OBP2B: variants seen among roughly 807,000 people sequenced by gnomAD.
OBP2B encodes odorant binding protein 2B.
A neutral mutation model predicts 21.7 loss-of-function variants in OBP2B; 10 were observed. The ratio of observed to expected loss-of-function variants is 0.46; its 90% confidence interval spans 0.28 to 0.78. OBP2B has a LOEUF of 0.78. Ranked by LOEUF, OBP2B falls within the 30% of genes least tolerant of loss-of-function variation. OBP2B has a pLI of 0.11. For synonymous variants in OBP2B, 73 were observed against 91.5 expected (o/e 0.80, Z 1.16); for missense variants, 153 against 217.7 (o/e 0.70, Z 1.87).
In OBP2B at chr9:133,205,762, G is replaced by T. The variant is rs1833683598; in HGVS notation, c.*1+155C>A. The T allele has an allele frequency of 2.8e-6, 3 of 1,081,640 alleles. No individual in the cohort carries two copies. The African/African-American group carries it at 4.6e-5, about 17-fold the overall frequency. The allele number at this position is 1,081,640 out of a possible 1,614,324, so 67.0% of individuals were successfully genotyped here. A position where few individuals can be genotyped will look rare whatever the true frequency, so the allele number is the denominator to read the frequency against. The stretch of plus-strand genomic sequence containing the variant: ...GGACTTCCCGAATGTCCCAGGAACT[G>T]TGGGTGGGCAGACTCTGAGGTGCCA... On this transcript the variant is annotated intron_variant, in intron 6 of 6. Transcript: ENST00000372034.
chr9:133,211,653 C>T (rs1201624684), upstream of OBP2B, among the ~76,000 whole-genome samples: 1 of 152,210 alleles, frequency 6.6e-6, no homozygotes, highest in Non-Finnish European at 1.5e-5. Context: ...CCCTATTTCT[C>T]AGATGGTCCT....
At chr9:133,219,534 T>C in the OBP2B span, among the ~76,000 whole-genome samples, 2 of 152,142 alleles carry the variant, frequency 1.3e-5, no homozygotes, top group African/African-American at 4.8e-5. Context: ...CATTAGTCAT[T>C]AGGGAAATGC....
the OBP2B span, among the ~76,000 whole-genome samples, chr9:133,222,685 C>T: frequency 5.9e-5 from 9 of 152,150 alleles, no homozygotes; most frequent in Non-Finnish European, 8.8e-5. Context: ...AAGCCGAGAT[C>T]GTGCCACTGC....
At chr9:133,218,508 C>T in the OBP2B span, among the ~76,000 whole-genome samples, 3 of 152,160 alleles carry the variant, frequency 2.0e-5, no homozygotes, top group Non-Finnish European at 4.4e-5. Context: ...GCGGCAATAA[C>T]CCAGGATGGT....
At chr9:133,207,380 C>T (rs375679280) in intron 3 of OBP2B, 44 bp from the exon 4 acceptor site, 508 of 1,296,930 alleles carry the variant, frequency 3.9e-4, no homozygotes, top group Admixed American at 4.9e-4. Context: ...AGAGAACACT[C>T]GGGGCCACAT....
intron 4 of OBP2B, 111 bp from the exon 5 acceptor site, chr9:133,206,527 C>T (rs1833719989): frequency 7.1e-7 from 1 of 1,414,674 alleles, no homozygotes; most frequent in East Asian, 2.4e-5. Flanking sequence ...GGGGGAGAGG[C>T]CTGAGAGTGG....
At chr9:133,209,811 T>C (rs1274287975), upstream of OBP2B, among the ~76,000 whole-genome samples, 2 of 152,122 alleles carry the variant, frequency 1.3e-5, no homozygotes, top group African/African-American at 4.8e-5. The surrounding 1 kb of genome is among the most constrained non-coding windows in gnomAD (Gnocchi z 6.0). Flanking sequence ...GAGGGCACTA[T>C]TGTGTGGCTC....
intron 4 of OBP2B, 61 bp downstream of exon 4, chr9:133,207,165 C>T: frequency 8.5e-7 from 1 of 1,172,234 alleles, no homozygotes. Flanking sequence ...GTGCTGGTTC[C>T]ACCGGCTTCC....
At chr9:133,206,225 G>T in intron 5 of OBP2B, 90 bp downstream of exon 5, 1 of 1,385,938 alleles carries the variant, frequency 7.2e-7, no homozygotes, top group Admixed American at 1.7e-5. Flanking sequence ...GAATGCGGGG[G>T]ACATGGGAGG....
At chr9:133,209,775 T>C (rs1322288249), upstream of OBP2B, among the ~76,000 whole-genome samples, 1 of 152,124 alleles carries the variant, frequency 6.6e-6, no homozygotes, top group Non-Finnish European at 1.5e-5. This position sits in a 1 kb window ranked among gnomAD's most constrained non-coding sequence, Gnocchi z 6.0. Context: ...ACCTGGACCC[T>C]GCACTCGAGC....
rs781848663 is a variant in OBP2B at position 133,206,344 on chromosome 9, T to C, written c.461A>G (p.Glu154Gly). 1.2e-6 allele frequency: 2 copies of C among 1,614,062 alleles called. No homozygotes were observed. Among genetic ancestry groups the C allele is most frequent in the Non-Finnish European group, 1.7e-6 (2 of 1,179,980 alleles). Reference protein sequence around the residue: ...KKLVQRKGLSEEDIFTPLQTG... With the variant: ...KKLVQRKGLSGEDIFTPLQTG... ...CTGCAGGGGCGTGAAAATGTCCTCC[T>C]CCGAGAGTCCCTTGCGCTGCACCAA... The change falls in exon 5 of 7, where the codon GAG (glutamate) becomes GGG (glycine). Residue 154 changes from glutamate to glycine, a missense_variant. Coordinates refer to ENST00000372034, the MANE Select transcript of OBP2B (RefSeq NM_014581.4).
the OBP2B span, among the ~76,000 whole-genome samples, chr9:133,215,796 A>G: frequency 6.6e-6 from 1 of 152,206 alleles, no homozygotes; most frequent in Non-Finnish European, 1.5e-5. Context: ...TACCCAGTTA[A>G]GTTTTTACAA....
the OBP2B span, among the ~76,000 whole-genome samples, chr9:133,221,756 G>T: frequency 6.6e-6 from 1 of 152,208 alleles, no homozygotes; most frequent in Non-Finnish European, 1.5e-5. Flanking sequence ...TAATAGTGTG[G>T]ATTGCATGGT....
At chr9:133,218,375 G>C in the OBP2B span, among the ~76,000 whole-genome samples, 4 of 152,366 alleles carry the variant, frequency 2.6e-5, no homozygotes, top group Non-Finnish European at 5.9e-5. Context: ...CTGAGTGAAA[G>C]ACCCTGGAGA....
At chr9:133,215,780 C>T in the OBP2B span, among the ~76,000 whole-genome samples, 19 of 152,326 alleles carry the variant, frequency 1.2e-4, no homozygotes, top group African/African-American at 4.3e-4. Context: ...CAGACCTGCA[C>T]GCATATACCC....
chr9:133,213,781 T>C (rs1302705858), upstream of OBP2B, among the ~76,000 whole-genome samples: 2 of 152,242 alleles, frequency 1.3e-5, no homozygotes, highest in East Asian at 3.8e-4. Context: ...GTTAACATTT[T>C]AATTTTAAAA....
At chr9:133,217,396 T>G in the OBP2B span, among the ~76,000 whole-genome samples, 1 of 152,254 alleles carries the variant, frequency 6.6e-6, no homozygotes, top group Non-Finnish European at 1.5e-5. Flanking sequence ...CTTGTGCACC[T>G]GGTGCAATGC....
At position 133,208,455 on chromosome 9, in the gene OBP2B, T is replaced by C. The variant is rs1833816413; in HGVS notation, c.206+14A>G. Reference sequence around the variant, plus strand: ...GAAAGTGGCCTGAGGGGCCCTGCAGTGGGCAACACTCACATGAAGGTGAAC... The same window carrying C: ...GAAAGTGGCCTGAGGGGCCCTGCAGCGGGCAACACTCACATGAAGGTGAAC... On this transcript the variant is annotated intron_variant, in intron 2 of 6. Transcript: ENST00000372034. 6.2e-7 allele frequency: 1 copy of C among 1,611,972 alleles called. No individual in the cohort carries two copies. The highest frequency in any genetic ancestry group is 8.5e-7 in the Non-Finnish European group (1 of 1,178,664).
At chr9:133,222,215 C>T in the OBP2B span, among the ~76,000 whole-genome samples, 98,521 of 152,022 alleles carry the variant, frequency 0.65, 34,500 homozygotes, top group Non-Finnish European at 0.81. Context: ...GACAGGAGAT[C>T]GCCAAGCTCT....
Sources: allele counts gnomAD v4.1 joint callset (sites outside exome capture counted in the v4.1 genomes callset), GRCh38; gene constraint gnomAD v4.1.1; non-coding constraint Gnocchi (gnomAD v3.1); transcripts MANE v1.5; gene names NCBI Gene and HGNC (gene_info 2026-07-23, HGNC 2026-07-21).